Variants in TENM4 observed in about 807,000 individuals in gnomAD.
TENM4 encodes the protein teneurin-4.
A neutral mutation model predicts 243.3 loss-of-function variants in TENM4; 82 were observed. The observed-to-expected ratio is 0.34, with a 90% CI of 0.28 to 0.40. The LOEUF (loss-of-function observed/expected upper bound fraction) is 0.40. TENM4 is among the 10% of genes least tolerant of loss of function. The pLI, the probability that TENM4 is intolerant of heterozygous loss-of-function variation, is 1.00. For synonymous variants in TENM4, 1,412 were observed against 1,456.3 expected, an observed-to-expected ratio of 0.97 and a Z score of 0.69; for missense variants, 3,138 against 3,673.3, an observed-to-expected ratio of 0.85 and a Z score of 3.77.
chr11:78,976,397 T>C (rs73502653), intron 6 of TENM4, among the ~76,000 whole-genome samples: 8,290 of 152,208 alleles, frequency 0.054, 387 homozygotes, highest in African/African-American at 0.12. Context: ...ATATCTGTTA[T>C]ATTTCAATAA....
At chr11:79,201,838 G>A (rs1863744435) in intron 3 of TENM4, among the ~76,000 whole-genome samples, 1 of 152,198 alleles carries the variant, frequency 6.6e-6, no homozygotes, top group Non-Finnish European at 1.5e-5. Context: ...AGATCAGTGT[G>A]GGCTGGGGAA....
In TENM4 at chr11:79,016,619, G is replaced by A. The variant is rs536624311; in HGVS notation, c.493+48119C>T. Among the ~76,000 whole-genome samples the A allele has an allele frequency of 4.6e-5, 7 of 152,294 alleles. No individual in the cohort carries two copies. In the South Asian group the frequency reaches 1.5e-3, roughly 32 times the overall value. On this transcript the variant is annotated intron_variant, in intron 6 of 33. Transcript: ENST00000278550. The stretch of plus-strand genomic sequence containing the variant: ...ACATTCGGTTGATATTTAAAGCATG[G>A]AAACGAGATTATCTTGAAAGTCAAG...
At chr11:79,397,417 C>T (rs1050395591) in intron 1 of TENM4, among the ~76,000 whole-genome samples, 1 of 152,184 alleles carries the variant, frequency 6.6e-6, no homozygotes, top group Admixed American at 6.5e-5. Context: ...CTGAGTGACT[C>T]AAAGCCTGCC....
chr11:78,726,393 T>C (rs1464614073), intron 22 of TENM4, among the ~76,000 whole-genome samples, 171 bp from the exon 23 acceptor site: 2 of 152,234 alleles, frequency 1.3e-5, no homozygotes, highest in Admixed American at 1.3e-4. Flanking sequence ...TGCTGAGCCT[T>C]AATCATTTTT....
intron 15 of TENM4, among the ~76,000 whole-genome samples, chr11:78,790,923 C>T (rs1046476356): frequency 6.6e-6 from 1 of 152,224 alleles, no homozygotes; most frequent in Non-Finnish European, 1.5e-5. Flanking sequence ...GACTACTGCT[C>T]TGTCCATCCA....
intron 3 of TENM4, among the ~76,000 whole-genome samples, chr11:79,201,980 C>T (rs944824062): frequency 1.9e-4 from 29 of 152,254 alleles, no homozygotes; most frequent in Admixed American, 1.8e-3. Flanking sequence ...AGGATTCACA[C>T]GGCTTTGTGA....
chr11:79,202,415 A>G (rs1432564398), intron 3 of TENM4, among the ~76,000 whole-genome samples: 1 of 152,072 alleles, frequency 6.6e-6, no homozygotes, highest in Non-Finnish European at 1.5e-5. Flanking sequence ...TGTGCAGATG[A>G]TGTTTGTGAT....
At chr11:79,326,699 T>C (rs919903497) in intron 1 of TENM4, among the ~76,000 whole-genome samples, 1 of 152,196 alleles carries the variant, frequency 6.6e-6, no homozygotes, top group African/African-American at 2.4e-5. Flanking sequence ...CACAGAACCA[T>C]GAAGCTTGGT....
intron 2 of TENM4, among the ~76,000 whole-genome samples, chr11:79,220,817 T>A (rs1256300631): frequency 1.3e-5 from 2 of 152,206 alleles, no homozygotes; most frequent in African/African-American, 2.4e-5. Context: ...CTCAGCTACC[T>A]TATTTTGAGA....
rs1401581639 is a variant in TENM4, at chr11:79,164,514, C to T, written c.-162-15708G>A. ...ATATAGTGTATATATATACACTATA[C>T]ATACTATATATATACTATATAGTAC... On this transcript the variant is annotated intron_variant, in intron 3 of 33. Coordinates refer to ENST00000278550, the MANE Select transcript of TENM4 (RefSeq NM_001098816.3). 4.2e-5 allele frequency among the ~76,000 whole-genome samples: 5 copies of T among 119,192 alleles called. No homozygotes were observed. The East Asian group carries it at 1.6e-3, about 38-fold the overall frequency. The allele number at this position is 119,192 out of a possible 152,430, so 78.2% of individuals were successfully genotyped here.
At chr11:79,007,424 G>T (rs1228133006) in intron 6 of TENM4, among the ~76,000 whole-genome samples, 1 of 152,140 alleles carries the variant, frequency 6.6e-6, no homozygotes, top group Non-Finnish European at 1.5e-5. Flanking sequence ...CTGACTGGGG[G>T]CTAAGCAGGG....
At chr11:79,327,282 C>A (rs1856990076) in intron 1 of TENM4, among the ~76,000 whole-genome samples, 2 of 152,194 alleles carry the variant, frequency 1.3e-5, no homozygotes, top group African/African-American at 4.8e-5. Context: ...CGGGTTTCAT[C>A]ACTAGATGAT....
chr11:78,811,728 G>A lies in TENM4; in HGVS notation c.1978+394C>T, dbSNP rs1004482294. The stretch of plus-strand genomic sequence containing the variant: ...AGAACTTGGGCTATGGAGCCAGAAC[G>A]ACTGGGCTCAAACTCAGCTCTGCTG... On this transcript the variant is annotated intron_variant, in intron 14 of 33. Coordinates refer to ENST00000278550, the MANE Select transcript of TENM4 (RefSeq NM_001098816.3). Among the ~76,000 whole-genome samples, 12 of 152,276 alleles carry A rather than the reference G, an allele frequency of 7.9e-5. 1 individual carries two copies. Among genetic ancestry groups the A allele is most frequent in the South Asian group, 4.1e-4 (2 of 4,824 alleles).
At chr11:79,177,674 G>C (rs1213263933) in intron 3 of TENM4, among the ~76,000 whole-genome samples, 31 of 152,174 alleles carry the variant, frequency 2.0e-4, no homozygotes, top group Admixed American at 2.0e-3. Context: ...GGTGGCATTA[G>C]GTAGGAACCT....
intron 27 of TENM4, among the ~76,000 whole-genome samples, chr11:78,704,159 C>CTATACATATA (rs1859183717): frequency 9.4e-6 from 1 of 106,028 alleles, no homozygotes; most frequent in African/African-American, 3.7e-5. Context: ...GTATGTGTGT[C>CTATACATATA]TATATATATA....
chr11:78,968,636 G>A (rs976466040), intron 6 of TENM4, among the ~76,000 whole-genome samples: 3 of 152,214 alleles, frequency 2.0e-5, no homozygotes, highest in African/African-American at 4.8e-5. Context: ...AGCCTCTCCT[G>A]GAGGCCAGGA....
chr11:78,677,104 G>A (rs1472205521), intron 29 of TENM4, among the ~76,000 whole-genome samples: 1 of 152,106 alleles, frequency 6.6e-6, no homozygotes, highest in Non-Finnish European at 1.5e-5. Context: ...CCACACAATT[G>A]TATGTTTTTA....
chr11:78,800,736 G>GGGGAGA (rs1331374177), intron 15 of TENM4, among the ~76,000 whole-genome samples: 1 of 144,274 alleles, frequency 6.9e-6, no homozygotes, highest in Admixed American at 6.9e-5. Context: ...AGTTCACAGG[G>GGGGAGA]GAGAGAGAGA....
intron 1 of TENM4, among the ~76,000 whole-genome samples, chr11:79,345,943 G>A (rs1193571954): frequency 6.6e-6 from 1 of 152,062 alleles, no homozygotes; most frequent in Non-Finnish European, 1.5e-5. Flanking sequence ...ATCATTATTT[G>A]GGAACTTATT....
Sources: gnomAD v4.1 joint callset for allele counts (sites outside exome capture counted in the v4.1 genomes callset) on GRCh38, gnomAD v4.1.1 for gene constraint, MANE v1.5 for transcripts, NCBI Gene and HGNC (gene_info 2026-07-23, HGNC 2026-07-21) for gene names.